The following QTGAL variants were observed in gnomAD, a reference collection of about 807,000 sequenced individuals.
QTGAL encodes the protein BGnT-like protein 1.
At chr17:82,971,451 G>C in the QTGAL span, among the ~76,000 whole-genome samples, 1 of 152,146 alleles carries the variant, frequency 6.6e-6, no homozygotes, top group African/African-American at 2.4e-5. Context: ...GCAGCTCCGT[G>C]GCAGCGACTG....
At chr17:83,022,163 CA>C in the QTGAL span, among the ~76,000 whole-genome samples, 2 of 152,230 alleles carry the variant, frequency 1.3e-5, no homozygotes, top group Non-Finnish European at 1.5e-5. Flanking sequence ...ACAAAAAGCA[CA>C]AATCTTATTT....
chr17:83,011,947 C>G, the QTGAL span, among the ~76,000 whole-genome samples: 1 of 149,384 alleles, frequency 6.7e-6, no homozygotes, highest in African/African-American at 2.5e-5. Flanking sequence ...ACGAACTCCT[C>G]GTATCCATAA....
the QTGAL span, chr17:82,957,500 G>A: frequency 3.8e-6 from 6 of 1,597,472 alleles, no homozygotes; most frequent in Non-Finnish European, 5.1e-6. Context: ...TCGTCCTGCG[G>A]TGGAGAAGAG....
At chr17:83,043,017 T>C in the QTGAL span, among the ~76,000 whole-genome samples, 1 of 152,068 alleles carries the variant, frequency 6.6e-6, no homozygotes, top group Non-Finnish European at 1.5e-5. Context: ...AACAAGAGGG[T>C]CACAAAATTA....
chr17:83,005,574 CT>C, the QTGAL span: 1 of 702,796 alleles, frequency 1.4e-6, no homozygotes, highest in Non-Finnish European at 2.6e-6. The surrounding 1 kb of genome is among the most constrained non-coding windows in gnomAD (Gnocchi z 5.6). Context: ...TAAGAACTCA[CT>C]TCTTGAATCA....
chr17:82,959,100 A>T, the QTGAL span, among the ~76,000 whole-genome samples: 5 of 106,942 alleles, frequency 4.7e-5, no homozygotes, highest in Non-Finnish European at 9.4e-5. Context: ...GTGGGGGTGT[A>T]TGGTGTGTGT....
the QTGAL span, among the ~76,000 whole-genome samples, chr17:83,022,235 G>C: frequency 2.6e-5 from 4 of 152,162 alleles, no homozygotes; most frequent in Admixed American, 2.6e-4. Context: ...CAAAAGACAT[G>C]GCCCCACGTA....
chr17:83,015,794 C>T, the QTGAL span, among the ~76,000 whole-genome samples: 4 of 152,208 alleles, frequency 2.6e-5, no homozygotes, highest in African/African-American at 9.7e-5. This position sits in a 1 kb window ranked among gnomAD's most constrained non-coding sequence, Gnocchi z 4.4. Context: ...GAATCCAGGT[C>T]ACAGACTCCT....
chr17:82,980,867 G>GT, the QTGAL span, among the ~76,000 whole-genome samples: 31 of 152,280 alleles, frequency 2.0e-4, no homozygotes, highest in African/African-American at 7.5e-4. Context: ...CTCCCCGGAG[G>GT]TTTGGGGGTG....
the QTGAL span, among the ~76,000 whole-genome samples, chr17:82,956,448 G>A: frequency 9.2e-5 from 14 of 152,262 alleles, 1 homozygote; most frequent in South Asian, 2.5e-3. This position sits in a 1 kb window ranked among gnomAD's most constrained non-coding sequence, Gnocchi z 5.7. Context: ...AAGAGAGACC[G>A]GAATCCATCC....
chr17:82,947,125 G>A, the QTGAL span: 3 of 659,854 alleles, frequency 4.5e-6, no homozygotes, highest in Non-Finnish European at 7.6e-6. Flanking sequence ...CGGAGAGGCT[G>A]GAAGGAGACA....
chr17:82,956,704 G>A, the QTGAL span: 22 of 1,582,386 alleles, frequency 1.4e-5, no homozygotes, highest in Middle Eastern at 1.7e-4. This position sits in a 1 kb window ranked among gnomAD's most constrained non-coding sequence, Gnocchi z 5.7. Flanking sequence ...CCAGCTTCAC[G>A]CAGATGACGA....
At chr17:83,021,121 T>C in the QTGAL span, among the ~76,000 whole-genome samples, 1 of 152,358 alleles carries the variant, frequency 6.6e-6, no homozygotes, top group East Asian at 1.9e-4. Context: ...GTATGTGTTT[T>C]TCTTCATAAT....
At chr17:82,994,939 A>G in the QTGAL span, among the ~76,000 whole-genome samples, 1 of 152,250 alleles carries the variant, frequency 6.6e-6, no homozygotes, top group Admixed American at 6.5e-5. Flanking sequence ...CACAAAAACC[A>G]TATGATCAAT....
the QTGAL span, among the ~76,000 whole-genome samples, chr17:82,955,475 G>A: frequency 2.0e-5 from 3 of 152,170 alleles, no homozygotes; most frequent in African/African-American, 7.2e-5. Flanking sequence ...TCAGAATGGC[G>A]ATTTCTAAAA....
At chr17:82,999,098 C>A in the QTGAL span, among the ~76,000 whole-genome samples, 1 of 152,200 alleles carries the variant, frequency 6.6e-6, no homozygotes. Flanking sequence ...TGAAACACAT[C>A]CCTACCATAT....
the QTGAL span, among the ~76,000 whole-genome samples, chr17:82,951,825 G>T: frequency 6.6e-6 from 1 of 151,868 alleles, no homozygotes; most frequent in East Asian, 1.9e-4. Flanking sequence ...GAGCGGGGAG[G>T]CGACAGCTGC....
At chr17:83,008,596 C>T in the QTGAL span, among the ~76,000 whole-genome samples, 1 of 152,208 alleles carries the variant, frequency 6.6e-6, no homozygotes, top group African/African-American at 2.4e-5. Flanking sequence ...GCTCCCTCCC[C>T]TCAAATCTGG....
the QTGAL span, chr17:82,947,871 GTC>G: frequency 1.3e-5 from 2 of 152,282 alleles, no homozygotes; most frequent in African/African-American, 4.8e-5. Context: ...TTCCTCCCTT[GTC>G]TCTCTGCTCT....
Sources: allele counts gnomAD v4.1 joint callset (sites outside exome capture counted in the v4.1 genomes callset), GRCh38; gene constraint gnomAD v4.1.1; non-coding constraint Gnocchi (gnomAD v3.1); transcripts MANE v1.5; gene names NCBI Gene and HGNC (gene_info 2026-07-23, HGNC 2026-07-21).